Variants in ZFAT observed in about 807,000 individuals in gnomAD.
ZFAT encodes zinc finger protein ZFAT.
A neutral mutation model predicts 117.7 loss-of-function variants in ZFAT; 64 were observed. The observed-to-expected ratio is 0.54, with a 90% CI of 0.44 to 0.67. The LOEUF (loss-of-function observed/expected upper bound fraction) is 0.67. ZFAT is among the 30% of genes least tolerant of loss of function. The pLI, the probability that ZFAT is intolerant of heterozygous loss-of-function variation, is 0.00. For missense variants in ZFAT, 1,433 were observed against 1,584.5 expected, an observed-to-expected ratio of 0.90 and a Z score of 1.62; for synonymous variants, 679 against 615.0, an observed-to-expected ratio of 1.10 and a Z score of -1.54.
At chr8:134,527,935 T>C (rs1821139966) in intron 12 of ZFAT, among the ~76,000 whole-genome samples, 1 of 151,894 alleles carries the variant, frequency 6.6e-6, no homozygotes, top group Non-Finnish European at 1.5e-5. Flanking sequence ...AAGAAATAGG[T>C]TTCAGAGTCA....
intron 2 of ZFAT, among the ~76,000 whole-genome samples, chr8:134,655,161 G>A (rs886252724): frequency 6.6e-6 from 1 of 152,172 alleles, no homozygotes; most frequent in African/African-American, 2.4e-5. Flanking sequence ...GGGCATGGGG[G>A]ACGGTTGAGA....
At chr8:134,686,267 C>T (rs957695624) in intron 1 of ZFAT, among the ~76,000 whole-genome samples, 2 of 152,202 alleles carry the variant, frequency 1.3e-5, no homozygotes, top group African/African-American at 2.4e-5. Context: ...ATAAGCCTAA[C>T]CCAGGGTCCA....
At chr8:134,830,511 G>C in the ZFAT span, among the ~76,000 whole-genome samples, 10 of 152,208 alleles carry the variant, frequency 6.6e-5, no homozygotes, top group African/African-American at 2.4e-4. Flanking sequence ...ATAATCAACA[G>C]AAAAAGCACC....
At chr8:134,590,886 T>C (rs1826454078) in intron 7 of ZFAT, among the ~76,000 whole-genome samples, 3 of 152,094 alleles carry the variant, frequency 2.0e-5, no homozygotes, top group African/African-American at 7.2e-5. Flanking sequence ...TATCATCAGC[T>C]TCATCAAAAC....
intron 10 of ZFAT, among the ~76,000 whole-genome samples, chr8:134,580,362 T>G (rs1340646105): frequency 6.6e-6 from 1 of 152,158 alleles, no homozygotes; most frequent in Admixed American, 6.5e-5. Context: ...AATCTTGGCT[T>G]CTAAGTAAAA....
At chr8:134,532,670 A>G (rs889913099) in intron 12 of ZFAT, among the ~76,000 whole-genome samples, 164 bp downstream of exon 12, 7 of 152,268 alleles carry the variant, frequency 4.6e-5, no homozygotes, top group Admixed American at 3.9e-4. Flanking sequence ...GCTGACAAAC[A>G]ATGATAAGGA....
At chr8:134,606,804 T>C (rs926774007) in intron 5 of ZFAT, among the ~76,000 whole-genome samples, 2 of 148,778 alleles carry the variant, frequency 1.3e-5, no homozygotes, top group Non-Finnish European at 1.5e-5. Context: ...TTTTATAAAA[T>C]ACACATGCTG....
At chr8:134,710,678 A>C (rs1189873203) in intron 1 of ZFAT, among the ~76,000 whole-genome samples, 1 of 152,216 alleles carries the variant, frequency 6.6e-6, no homozygotes, top group African/African-American at 2.4e-5. Flanking sequence ...CCCAAGTCTA[A>C]ACATGAAATT....
the ZFAT span, among the ~76,000 whole-genome samples, chr8:134,728,426 A>G: frequency 2.0e-5 from 3 of 152,166 alleles, no homozygotes; most frequent in African/African-American, 7.2e-5. Flanking sequence ...TATCTAGTAA[A>G]TCATGAAAGG....
chr8:134,721,778 G>A, the ZFAT span, among the ~76,000 whole-genome samples: 1 of 152,166 alleles, frequency 6.6e-6, no homozygotes, highest in Non-Finnish European at 1.5e-5. Context: ...TAACATACTT[G>A]ACTTCTCTCT....
chr8:134,777,380 G>A, the ZFAT span, among the ~76,000 whole-genome samples: 1 of 152,112 alleles, frequency 6.6e-6, no homozygotes, highest in African/African-American at 2.4e-5. Flanking sequence ...CTGTTAATAA[G>A]GTTTCTTACT....
At chr8:134,724,974 C>T in the ZFAT span, among the ~76,000 whole-genome samples, 2 of 152,262 alleles carry the variant, frequency 1.3e-5, no homozygotes, top group African/African-American at 4.8e-5. Flanking sequence ...GCAGTTGCAC[C>T]TCTGCAGGTT....
the ZFAT span, among the ~76,000 whole-genome samples, chr8:134,761,498 G>C: frequency 6.6e-6 from 1 of 151,228 alleles, no homozygotes; most frequent in Admixed American, 6.6e-5. Context: ...TCAAGAGATC[G>C]AGATCATCCT....
At chr8:134,786,526 C>T in the ZFAT span, among the ~76,000 whole-genome samples, 2 of 152,100 alleles carry the variant, frequency 1.3e-5, no homozygotes, top group Non-Finnish European at 2.9e-5. Flanking sequence ...TAGTAACATG[C>T]CTTTTCTCTT....
At chr8:134,686,717 G>A (rs1205137239) in intron 1 of ZFAT, among the ~76,000 whole-genome samples, 1 of 152,096 alleles carries the variant, frequency 6.6e-6, no homozygotes, top group Non-Finnish European at 1.5e-5. Flanking sequence ...AGGACATCAC[G>A]AAGACGATGT....
At chr8:134,513,043 G>A (rs569147512) in intron 13 of ZFAT, among the ~76,000 whole-genome samples, 54 of 152,280 alleles carry the variant, frequency 3.5e-4, no homozygotes, top group African/African-American at 1.2e-3. Flanking sequence ...AGCTGACGGT[G>A]GAAGGGGTAG....
intron 1 of ZFAT, among the ~76,000 whole-genome samples, chr8:134,693,721 G>T (rs1833694967): frequency 6.6e-6 from 1 of 152,170 alleles, no homozygotes; most frequent in South Asian, 2.1e-4. Context: ...ACCAAGTCTG[G>T]CAAGAATCAT....
intron 3 of ZFAT, among the ~76,000 whole-genome samples, chr8:134,616,646 T>C (rs1828755568): frequency 6.6e-6 from 1 of 152,238 alleles, no homozygotes; most frequent in Non-Finnish European, 1.5e-5. Flanking sequence ...CTTTCTTCCT[T>C]TTAAAAATTC....
At chr8:134,487,470 A>G (rs115014608) in intron 15 of ZFAT, among the ~76,000 whole-genome samples, 129 of 152,278 alleles carry the variant, frequency 8.5e-4, no homozygotes, top group African/African-American at 3.0e-3. Flanking sequence ...GCCCTCAGCT[A>G]GTAACAGGTG....
Sources: allele counts gnomAD v4.1 joint callset (sites outside exome capture counted in the v4.1 genomes callset), GRCh38; gene constraint gnomAD v4.1.1; transcripts MANE v1.5; gene names NCBI Gene and HGNC (gene_info 2026-07-23, HGNC 2026-07-21).